The following NOSTRIN variants were observed in gnomAD, a reference collection of about 807,000 sequenced individuals.
NOSTRIN encodes BM247 homolog.
In NOSTRIN, 63 loss-of-function variants were observed where a neutral mutation model predicts 59.0. The ratio of observed to expected loss-of-function variants is 1.07; its 90% CI spans 0.87 to 1.32. The LOEUF is 1.32. Ranked by LOEUF, NOSTRIN falls within the 40% of genes most tolerant of loss-of-function variation. The probability of loss-of-function intolerance (pLI) is 0.00; values close to 1 mark genes in which losing one functional copy is unlikely to be tolerated. For missense variants in NOSTRIN, 512 were observed against 473.1 expected, an observed-to-expected ratio of 1.08 and a Z score of -0.76; for synonymous variants, 200 against 165.4, an observed-to-expected ratio of 1.21 and a Z score of -1.61.
At chr2:168,791,183 C>G (rs1049615009) in intron 2 of NOSTRIN, among the ~76,000 whole-genome samples, 20 of 152,160 alleles carry the variant, frequency 1.3e-4, no homozygotes, top group African/African-American at 4.8e-4. Context: ...TGATGTTCCC[C>G]TTCCTCTGTC....
intron 2 of NOSTRIN, among the ~76,000 whole-genome samples, chr2:168,814,967 A>G (rs1686324557): frequency 6.6e-6 from 1 of 152,178 alleles, no homozygotes; most frequent in African/African-American, 2.4e-5. Context: ...TATTATATCT[A>G]CATTATGAGA....
chr2:168,830,242 G>C (rs544362101), intron 5 of NOSTRIN, among the ~76,000 whole-genome samples: 1 of 152,294 alleles, frequency 6.6e-6, no homozygotes, highest in South Asian at 2.1e-4. Flanking sequence ...TGCTGTGACA[G>C]TTAATCACAG....
At chr2:168,829,100 AG>A (rs1288576333) in intron 5 of NOSTRIN, among the ~76,000 whole-genome samples, 7 of 152,164 alleles carry the variant, frequency 4.6e-5, no homozygotes, top group Non-Finnish European at 8.8e-5. Context: ...TACGCTTATT[AG>A]CTTGGTATTA....
intron 8 of NOSTRIN, among the ~76,000 whole-genome samples, chr2:168,848,339 C>T (rs1232205885): frequency 1.3e-5 from 2 of 152,184 alleles, no homozygotes; most frequent in Non-Finnish European, 2.9e-5. Flanking sequence ...GGACTGCCAG[C>T]GTAAACCAAT....
intron 8 of NOSTRIN, among the ~76,000 whole-genome samples, chr2:168,848,925 T>C (rs755431463): frequency 1.3e-5 from 2 of 152,204 alleles, no homozygotes; most frequent in Non-Finnish European, 2.9e-5. Context: ...CTAAGGTGGA[T>C]AAAATGGCAT....
At chr2:168,853,022 A>G (rs1362417163) in intron 10 of NOSTRIN, among the ~76,000 whole-genome samples, 1 of 152,226 alleles carries the variant, frequency 6.6e-6, no homozygotes, top group East Asian at 1.9e-4. Context: ...ACTTGTCAAT[A>G]AAATGAGGAT....
chr2:168,829,626 C>G (rs1451737177), intron 5 of NOSTRIN, among the ~76,000 whole-genome samples: 1 of 152,200 alleles, frequency 6.6e-6, no homozygotes, highest in African/African-American at 2.4e-5. Context: ...CGGCCTAGAA[C>G]AGTTTCATTT....
chr2:168,832,630 T>C (rs1260553501), intron 6 of NOSTRIN, among the ~76,000 whole-genome samples: 1 of 152,224 alleles, frequency 6.6e-6, no homozygotes, highest in Admixed American at 6.5e-5. Context: ...AAGTGTTTGA[T>C]GTAAGTGAAT....
chr2:168,851,433 C>T, intron 10 of NOSTRIN, 29 bp downstream of exon 10: 2 of 1,583,594 alleles, frequency 1.3e-6, no homozygotes, highest in Non-Finnish European at 1.7e-6. Flanking sequence ...AAAAAAGTTA[C>T]ATTAATGGAG....
At chr2:168,843,788 A>C (rs986807328) in intron 8 of NOSTRIN, among the ~76,000 whole-genome samples, 1 of 152,252 alleles carries the variant, frequency 6.6e-6, no homozygotes, top group Non-Finnish European at 1.5e-5. Context: ...ATTTAATGAT[A>C]TTTAGTGAAA....
chr2:168,841,603 A>G (rs1688112766), intron 7 of NOSTRIN, among the ~76,000 whole-genome samples: 1 of 152,206 alleles, frequency 6.6e-6, no homozygotes, highest in African/African-American at 2.4e-5. Context: ...TTCACTGGCA[A>G]TAATTACACT....
chr2:168,818,827 T>C (rs1462502498), intron 2 of NOSTRIN, among the ~76,000 whole-genome samples: 1 of 129,984 alleles, frequency 7.7e-6, no homozygotes, highest in East Asian at 2.4e-4. Context: ...GAACCTTTTT[T>C]AGCATATTAA....
In NOSTRIN at chr2:168,819,646, AG is replaced by A. The variant is rs374596064; in HGVS notation, c.114-4987del. ...CACATTTCATTTCCTTCTGTCTTGC[AG>A]AGTAATTTGCTCAGGTTCCCAAAAT... On this transcript the variant is annotated intron_variant, in intron 2 of 15. Transcript: ENST00000317647. 1.4e-3 allele frequency among the ~76,000 whole-genome samples: 215 copies of A among 152,348 alleles called. 1 individual carries two copies. The highest frequency in any genetic ancestry group is 4.9e-3 in the African/African-American group (202 of 41,580).
rs751440564 is a variant in NOSTRIN, at chr2:168,860,685, AAAAC to A, written c.1180-104_1180-101del. Reference sequence around the variant, plus strand: ...GACTCTGTCTAAAAAAAAAAAAGAAAAAACAAACAGAAAAAACAACTTGAGGAAA... The same window carrying A: ...GACTCTGTCTAAAAAAAAAAAAGAAAAAACAGAAAAAACAACTTGAGGAAA... On this transcript the variant is annotated intron_variant, in intron 13 of 15. Transcript: ENST00000317647. 4,059 of 724,792 alleles carry A rather than the reference AAAAC, an allele frequency of 5.6e-3. 15 individuals carry two copies. Among genetic ancestry groups the A allele is most frequent in the Non-Finnish European group, 8.0e-3 (3,513 of 439,684 alleles). 44.9% of individuals were successfully genotyped at this position (724,792 alleles called of 1,614,324 possible). A position where few individuals can be genotyped will look rare whatever the true frequency, so the allele number is the denominator to read the frequency against.
intron 11 of NOSTRIN, chr2:168,856,331 C>T (rs1259615822): frequency 3.2e-5 from 9 of 277,312 alleles, no homozygotes; most frequent in Admixed American, 1.5e-4. Context: ...AATCCTAACA[C>T]TTTGGGAAGC....
At chr2:168,853,002 CT>C (rs768969901) in intron 10 of NOSTRIN, among the ~76,000 whole-genome samples, 28 of 152,214 alleles carry the variant, frequency 1.8e-4, no homozygotes, top group Non-Finnish European at 3.1e-4. Flanking sequence ...AAAAATGCCC[CT>C]ATCAAATAAC....
upstream of NOSTRIN, among the ~76,000 whole-genome samples, chr2:168,799,302 A>G (rs1239595430): frequency 1.3e-5 from 2 of 152,172 alleles, no homozygotes; most frequent in Non-Finnish European, 2.9e-5. Flanking sequence ...TCACATTCTC[A>G]TCAACCTGTA....
chr2:168,811,703 A>G, intron 2 of NOSTRIN, 51 bp downstream of exon 2: 2 of 759,344 alleles, frequency 2.6e-6, no homozygotes, highest in South Asian at 3.2e-5. Context: ...AGTTGTAGCA[A>G]GTGATATGAC....
intron 8 of NOSTRIN, among the ~76,000 whole-genome samples, chr2:168,845,532 C>A (rs550138347): frequency 6.6e-6 from 1 of 152,314 alleles, no homozygotes; most frequent in East Asian, 1.9e-4. Flanking sequence ...TGATTATCTT[C>A]ATTATCAGAA....
Sources: gnomAD v4.1 joint callset for allele counts (sites outside exome capture counted in the v4.1 genomes callset) on GRCh38, gnomAD v4.1.1 for gene constraint, MANE v1.5 for transcripts, NCBI Gene and HGNC (gene_info 2026-07-23, HGNC 2026-07-21) for gene names.